PID1: variants seen among roughly 807,000 people sequenced by gnomAD.
PID1 encodes the protein phosphotyrosine interaction domain containing 1.
Under a neutral mutation model 19.1 loss-of-function variants are expected in PID1, and 10 were observed. The observed-to-expected ratio is 0.52, with a 90% CI of 0.32 to 0.89. PID1 has a LOEUF of 0.89. Ranked by LOEUF, PID1 falls within the 40% of genes least tolerant of loss-of-function variation. The probability of loss-of-function intolerance (pLI) is 0.03; values close to 1 mark genes in which losing one functional copy is unlikely to be tolerated. For missense variants in PID1, 248 were observed against 285.3 expected, an observed-to-expected ratio of 0.87 and a Z score of 0.94; for synonymous variants, 130 against 116.0, an observed-to-expected ratio of 1.12 and a Z score of -0.78.
intron 2 of PID1, among the ~76,000 whole-genome samples, chr2:229,052,555 T>A (rs1694017403): frequency 1.3e-5 from 2 of 152,268 alleles, no homozygotes; most frequent in East Asian, 1.9e-4. Flanking sequence ...GAGCTTTTTT[T>A]TTTCAACAAA....
At chr2:229,227,963 C>T (rs1367324900) in intron 1 of PID1, 1 of 455,918 alleles carries the variant, frequency 2.2e-6, no homozygotes, top group Admixed American at 2.3e-5. Flanking sequence ...ATACCACGGT[C>T]TTGACTATCT....
chr2:229,211,646 T>G (rs1042342685), intron 1 of PID1, among the ~76,000 whole-genome samples: 1 of 152,224 alleles, frequency 6.6e-6, no homozygotes, highest in African/African-American at 2.4e-5. Flanking sequence ...GTGAGCTCTC[T>G]ATCTCTTCTA....
intron 2 of PID1, among the ~76,000 whole-genome samples, chr2:229,124,009 CTT>C (rs766975885): frequency 6.6e-6 from 1 of 152,034 alleles, no homozygotes; most frequent in Non-Finnish European, 1.5e-5. Context: ...GGAAGGCTGT[CTT>C]GGCAGGTCAG....
At chr2:229,267,034 G>A (rs759117123) in intron 1 of PID1, among the ~76,000 whole-genome samples, 3 of 152,048 alleles carry the variant, frequency 2.0e-5, no homozygotes, top group Admixed American at 6.5e-5. Context: ...AATCTAGAAC[G>A]ATCCACACTC....
intron 1 of PID1, among the ~76,000 whole-genome samples, chr2:229,160,390 C>A (rs1486349416): frequency 6.6e-6 from 1 of 151,936 alleles, no homozygotes; most frequent in African/African-American, 2.4e-5. Flanking sequence ...AAATTGGAGA[C>A]AGGAAGATAA....
intron 2 of PID1, among the ~76,000 whole-genome samples, chr2:229,107,757 C>T (rs557305580): frequency 5.9e-5 from 9 of 152,270 alleles, no homozygotes; most frequent in African/African-American, 9.6e-5. Flanking sequence ...AGCATACAAA[C>T]GCGTCTCTAC....
chr2:229,248,748 T>G (rs1690068449), intron 1 of PID1, among the ~76,000 whole-genome samples: 2 of 152,096 alleles, frequency 1.3e-5, no homozygotes, highest in Non-Finnish European at 2.9e-5. Context: ...TATATTAGTA[T>G]GAACTCATAG....
intron 2 of PID1, among the ~76,000 whole-genome samples, chr2:229,155,302 C>A (rs1318492465): frequency 3.3e-5 from 5 of 151,998 alleles, no homozygotes; most frequent in African/African-American, 1.2e-4. Flanking sequence ...CTTGGTGGCT[C>A]ACATCTGTAA....
intron 2 of PID1, among the ~76,000 whole-genome samples, chr2:229,139,057 G>GAAAGAGAAAGAA (rs1553565723): frequency 8.8e-5 from 4 of 45,566 alleles, no homozygotes; most frequent in Non-Finnish European, 1.8e-4. Context: ...AAGAAAGAAA[G>GAAAGAGAAAGAA]AGAAAGAAAG....
At chr2:229,059,409 T>C (rs765100100) in intron 2 of PID1, among the ~76,000 whole-genome samples, 1 of 152,252 alleles carries the variant, frequency 6.6e-6, no homozygotes, top group Non-Finnish European at 1.5e-5. Flanking sequence ...ACCTATTATG[T>C]GCTAGGCACA....
At chr2:229,232,224 C>A (rs1409848706) in intron 1 of PID1, 3 of 1,066,366 alleles carry the variant, frequency 2.8e-6, no homozygotes, top group South Asian at 2.0e-5. Flanking sequence ...GAGATCAAGA[C>A]CATCCTGGCT....
chr2:229,174,559 AC>A (rs1690776209), intron 1 of PID1, among the ~76,000 whole-genome samples: 1 of 151,334 alleles, frequency 6.6e-6, no homozygotes, highest in South Asian at 2.1e-4. Flanking sequence ...TTACATTATC[AC>A]CCCCCAATGG....
chr2:229,119,476 C>G (rs959045647), intron 2 of PID1, among the ~76,000 whole-genome samples: 4 of 152,090 alleles, frequency 2.6e-5, no homozygotes, highest in Admixed American at 2.0e-4. Flanking sequence ...AATGCTTTAC[C>G]TCATGTCATC....
intron 1 of PID1, among the ~76,000 whole-genome samples, chr2:229,175,948 G>A (rs577480492): frequency 4.3e-4 from 65 of 152,132 alleles, no homozygotes; most frequent in African/African-American, 1.4e-3. Context: ...CCATCCCCAC[G>A]GCTGCTGCCT....
In PID1 at chr2:229,025,664, C is replaced by A. The variant is rs768262534; in HGVS notation, c.622G>T (p.Val208Phe). The change falls in exon 3 of 3, where the codon GTT becomes TTT. Residue 208 changes from valine (V) to phenylalanine (F), a missense_variant. Physicochemically the swap from Val to Phe is conservative, Grantham distance 50 (BLOSUM62 -1). Transcript: ENST00000392055. ...RIHSNSSSEE[V>F]SQELESDDG ...TCATCGGATTCCAATTCCTGGGAAA[C>A]CTCTTCGGAGGAGCTGTTGCTGTGG... 2.5e-6 allele frequency: 4 copies of A among 1,612,152 alleles called. No homozygotes were observed. The highest frequency in any genetic ancestry group is 1.3e-5 in the African/African-American group (1 of 74,898).
At position 229,094,613 on chromosome 2, in the gene PID1, A is replaced by T. The variant is rs530029737; in HGVS notation, c.177+61205T>A. Among the ~76,000 whole-genome samples the T allele has an allele frequency of 7.0e-4, 107 of 152,286 alleles. 2 individuals are homozygous for T. Among genetic ancestry groups the T allele is most frequent in the African/African-American group, 2.5e-3 (102 of 41,568 alleles). ...GACACACAAACAAGTGGAAGACAAT[A>T]GAGAACTCAGAAATAAAGACAGATA... is the stretch of plus-strand genomic sequence containing the variant. On this transcript the variant is annotated intron_variant, in intron 2 of 2. Transcript: ENST00000392055.
intron 2 of PID1, among the ~76,000 whole-genome samples, chr2:229,106,483 C>G (rs1695181215): frequency 6.6e-6 from 1 of 152,042 alleles, no homozygotes; most frequent in Non-Finnish European, 1.5e-5. Flanking sequence ...AAATCTAATC[C>G]CCAATGAATA....
At chr2:229,046,112 C>A (rs4973151) in intron 2 of PID1, among the ~76,000 whole-genome samples, 81,552 of 151,598 alleles carry the variant, frequency 0.54, 23,052 homozygotes, top group African/African-American at 0.72. Flanking sequence ...CAACGAACCC[C>A]CCGACTCTGC....
At chr2:229,259,251 T>A (rs1177921362) in intron 1 of PID1, among the ~76,000 whole-genome samples, 2 of 152,214 alleles carry the variant, frequency 1.3e-5, no homozygotes, top group African/African-American at 4.8e-5. Context: ...AGTTTATTTA[T>A]CCTAGATCTA....
Sources: gnomAD v4.1 joint callset for allele counts (sites outside exome capture counted in the v4.1 genomes callset) on GRCh38, gnomAD v4.1.1 for gene constraint, MANE v1.5 for transcripts, NCBI Gene and HGNC (gene_info 2026-07-23, HGNC 2026-07-21) for gene names.